ARHGEF26: variants seen among roughly 807,000 people sequenced by gnomAD.
The protein encoded by ARHGEF26 is Rho guanine nucleotide exchange factor (GEF) 26.
ARHGEF26 carries 59 observed loss-of-function variants against 89.4 expected under a neutral mutation model. That is an observed-to-expected ratio of 0.66 (90% CI 0.54 to 0.82). The LOEUF is 0.82. Ranked by LOEUF, ARHGEF26 falls within the 40% of genes least tolerant of loss-of-function variation. ARHGEF26 has a pLI of 0.00. For synonymous variants in ARHGEF26, 500 were observed against 428.4 expected (o/e 1.17, Z -2.06); for missense variants, 1,234 against 1,085.6 (o/e 1.14, Z -1.92).
At chr3:154,226,898 G>T (rs1716530087) in intron 11 of ARHGEF26, among the ~76,000 whole-genome samples, 1 of 152,124 alleles carries the variant, frequency 6.6e-6, no homozygotes, top group African/African-American at 2.4e-5. Context: ...TGGTCCTGGG[G>T]TGCAATTTAG....
At chr3:154,162,072 A>G (rs772220981) in intron 6 of ARHGEF26, among the ~76,000 whole-genome samples, 1 of 152,218 alleles carries the variant, frequency 6.6e-6, no homozygotes, top group East Asian at 1.9e-4. Flanking sequence ...ATTAGCTGTT[A>G]TCAATCTTAA....
intron 9 of ARHGEF26, among the ~76,000 whole-genome samples, chr3:154,209,888 G>A (rs533736292): frequency 6.6e-6 from 1 of 152,160 alleles, no homozygotes; most frequent in African/African-American, 2.4e-5. Flanking sequence ...GTTCACAAAC[G>A]GTCTAAAGTC....
chr3:154,144,606 C>T (rs1290638037), intron 4 of ARHGEF26, among the ~76,000 whole-genome samples: 1 of 152,122 alleles, frequency 6.6e-6, no homozygotes, highest in Non-Finnish European at 1.5e-5. Context: ...TATTCTCAGC[C>T]TCATGTCTGT....
intron 9 of ARHGEF26, among the ~76,000 whole-genome samples, chr3:154,203,790 G>T (rs1299998539): frequency 6.7e-6 from 1 of 150,086 alleles, no homozygotes; most frequent in Non-Finnish European, 1.5e-5. Context: ...TGATTGGTTT[G>T]CCTATGTTGA....
chr3:154,225,439 T>TG (rs1235165894), intron 10 of ARHGEF26, among the ~76,000 whole-genome samples: 52 of 152,164 alleles, frequency 3.4e-4, no homozygotes, highest in Non-Finnish European at 8.8e-5. Context: ...AACCTATAGT[T>TG]GTGTTTTTCT....
chr3:154,144,224 G>A (rs1423263100), intron 4 of ARHGEF26, among the ~76,000 whole-genome samples: 2 of 152,168 alleles, frequency 1.3e-5, no homozygotes, highest in African/African-American at 4.8e-5. Flanking sequence ...GTGATTAAGA[G>A]CTCAGGCTTT....
intron 9 of ARHGEF26, among the ~76,000 whole-genome samples, chr3:154,204,266 C>A (rs1314141593): frequency 3.0e-5 from 4 of 131,232 alleles, no homozygotes; most frequent in Non-Finnish European, 7.0e-5. Flanking sequence ...TTTAGTTTTT[C>A]TTTATTATTT....
intron 6 of ARHGEF26, among the ~76,000 whole-genome samples, chr3:154,172,631 T>G (rs1712523064): frequency 6.6e-6 from 1 of 152,122 alleles, no homozygotes; most frequent in Non-Finnish European, 1.5e-5. Context: ...GAGGTAGAGG[T>G]TGCAGTGAGC....
intron 9 of ARHGEF26, among the ~76,000 whole-genome samples, chr3:154,201,200 G>T (rs895799476): frequency 7.3e-5 from 10 of 137,544 alleles, no homozygotes; most frequent in African/African-American, 2.8e-4. Context: ...TCCCCTTCAT[G>T]TGTCCATGTG....
chr3:154,123,530 T>C (rs1374896788), intron 2 of ARHGEF26, among the ~76,000 whole-genome samples: 1 of 152,204 alleles, frequency 6.6e-6, no homozygotes, highest in Non-Finnish European at 1.5e-5. Flanking sequence ...CTGTTGATTA[T>C]TTTTTGCTTT....
intron 9 of ARHGEF26, among the ~76,000 whole-genome samples, chr3:154,214,762 G>C (rs1210006588): frequency 4.6e-5 from 7 of 152,138 alleles, no homozygotes; most frequent in Admixed American, 4.6e-4. Context: ...TGGTGCTTGG[G>C]TTTCACCCTG....
chr3:154,157,503 G>A (rs1711498504), intron 6 of ARHGEF26, among the ~76,000 whole-genome samples: 1 of 152,096 alleles, frequency 6.6e-6, no homozygotes, highest in Non-Finnish European at 1.5e-5. Flanking sequence ...CAATTAAGTA[G>A]GGGACTGATT....
chr3:154,220,654 G>A (rs1363451818), intron 10 of ARHGEF26, among the ~76,000 whole-genome samples: 1 of 152,164 alleles, frequency 6.6e-6, no homozygotes, highest in African/African-American at 2.4e-5. Context: ...TGTGTACCAA[G>A]AGGAGGAGCT....
intron 7 of ARHGEF26, 101 bp downstream of exon 7, chr3:154,187,938 C>A: frequency 8.6e-7 from 1 of 1,157,274 alleles, no homozygotes; most frequent in Non-Finnish European, 1.2e-6. Context: ...TTTAGAAATG[C>A]CTCCTGATAG....
At chr3:154,137,504 C>T (rs1719084657) in intron 4 of ARHGEF26, among the ~76,000 whole-genome samples, 1 of 152,134 alleles carries the variant, frequency 6.6e-6, no homozygotes, top group African/African-American at 2.4e-5. Flanking sequence ...AGACATACCC[C>T]AATTAGAATT....
intron 9 of ARHGEF26, among the ~76,000 whole-genome samples, chr3:154,202,609 A>T (rs549535290): frequency 2.0e-5 from 3 of 152,066 alleles, no homozygotes; most frequent in Admixed American, 1.3e-4. Context: ...GCCATTTTCA[A>T]GATATTGATT....
chr3:154,155,851 T>C (rs894037528), intron 6 of ARHGEF26, among the ~76,000 whole-genome samples: 3 of 151,906 alleles, frequency 2.0e-5, no homozygotes, highest in Non-Finnish European at 1.5e-5. Flanking sequence ...AATAGAAATA[T>C]GGTTTTAGTT....
rs752216683 is a variant in ARHGEF26 at position 154,122,429 on chromosome 3, C to T, written c.437C>T (p.Pro146Leu). 11 of 1,611,142 alleles carry T rather than the reference C, an allele frequency of 6.8e-6. No homozygotes were observed. The African/African-American group carries it at 8.0e-5, about 12-fold the overall frequency. The change falls in exon 2 of 15, where the codon CCC becomes CTC. Residue 146 changes from proline (P) to leucine (L), a missense_variant. Physicochemically the swap from Pro to Leu is moderately conservative, Grantham distance 98. Coordinates refer to ENST00000465093, the MANE Select transcript of ARHGEF26 (RefSeq NM_015595.4). ...CCGCCGCCGCCGCCGGTTCTGCGCC[C>T]CCCGCGGACTCCTAACGCGCCCGCC... is the stretch of plus-strand genomic sequence containing the variant. The part of the protein sequence containing the change: ...PAPPPPPVLR[P>L]PRTPNAPAPC...
intron 6 of ARHGEF26, among the ~76,000 whole-genome samples, chr3:154,154,866 T>TA (rs1209590153): frequency 2.6e-5 from 4 of 152,050 alleles, no homozygotes; most frequent in Admixed American, 6.6e-5. Context: ...GTCTCACTGT[T>TA]ACAGATAGTT....
Sources: allele counts gnomAD v4.1 joint callset (sites outside exome capture counted in the v4.1 genomes callset), GRCh38; gene constraint gnomAD v4.1.1; transcripts MANE v1.5; gene names NCBI Gene and HGNC (gene_info 2026-07-23, HGNC 2026-07-21).